COBL: variants seen among roughly 807,000 people sequenced by gnomAD.
COBL encodes the protein cordon-bleu WH2 repeat protein, also known as protein cordon-bleu.
COBL carries 51 observed loss-of-function variants against 98.8 expected under a neutral mutation model. The ratio of observed to expected loss-of-function variants is 0.52; its 90% CI spans 0.41 to 0.65. The LOEUF (loss-of-function observed/expected upper bound fraction) is 0.65. COBL is among the 30% of genes least tolerant of loss of function. The pLI is 0.00. For synonymous variants in COBL, 634 were observed against 651.7 expected (o/e 0.97, Z 0.41); for missense variants, 1,617 against 1,617.5 (o/e 1.00, Z 0.01).
At chr7:51,272,463 A>T (rs1015650800) in intron 1 of COBL, among the ~76,000 whole-genome samples, 2 of 152,218 alleles carry the variant, frequency 1.3e-5, no homozygotes, top group Non-Finnish European at 2.9e-5. Context: ...AAATAGTTAA[A>T]ATTAGAAGAA....
chr7:51,188,651 G>A (rs1490770179), intron 4 of COBL, among the ~76,000 whole-genome samples: 1 of 152,184 alleles, frequency 6.6e-6, no homozygotes, highest in African/African-American at 2.4e-5. Context: ...GGAGGTTTGG[G>A]AGCAGCTAGT....
chr7:51,198,581 A>T (rs1350105560), intron 2 of COBL, among the ~76,000 whole-genome samples: 2 of 151,976 alleles, frequency 1.3e-5, no homozygotes, highest in Non-Finnish European at 2.9e-5. Flanking sequence ...TTAAAGCTAA[A>T]CTCTCTTTTC....
intron 1 of COBL, among the ~76,000 whole-genome samples, chr7:51,224,395 C>A (rs532589626): frequency 1.3e-5 from 2 of 151,778 alleles, no homozygotes; most frequent in African/African-American, 4.8e-5. Context: ...ATGTTCCAAA[C>A]GAGCCAAGCT....
At position 51,028,606 on chromosome 7, in the gene COBL, C is replaced by A. The variant is rs750811837; in HGVS notation, c.2490G>T (p.Gly830=). ...SAHHEGRNPL[G]EGRNQPPTMG... is the part of the protein sequence containing the mutation. Reference sequence around the variant, plus strand: ...TGGTGGGGGGCTGGTTTCTCCCCTCCCCTAGGGGGTTCCGGCCCTCATGGT... The same window carrying A: ...TGGTGGGGGGCTGGTTTCTCCCCTCACCTAGGGGGTTCCGGCCCTCATGGT... Residue 830 remains glycine, a synonymous_variant, in exon 10 of 13, where the codon GGG becomes GGT. Transcript: ENST00000265136. The A allele has an allele frequency of 1.2e-6, 2 of 1,613,950 alleles. No individual in the cohort carries two copies. The highest frequency in any genetic ancestry group is 8.5e-7 in the Non-Finnish European group (1 of 1,179,898).
chr7:51,173,301 C>T (rs894764306), intron 5 of COBL, among the ~76,000 whole-genome samples: 2 of 152,126 alleles, frequency 1.3e-5, no homozygotes, highest in Non-Finnish European at 2.9e-5. Flanking sequence ...CTGCCTCAGC[C>T]TCCCGAGTAG....
At chr7:51,120,434 C>T (rs1276026523) in intron 6 of COBL, among the ~76,000 whole-genome samples, 2 of 152,010 alleles carry the variant, frequency 1.3e-5, no homozygotes, top group Non-Finnish European at 2.9e-5. Context: ...AAGGTTATAC[C>T]TTTTAAAGGA....
Position 51,259,668 on chromosome 7 carries a change from T to A in COBL, c.42-39724A>T. ...GTGCTCCTCATCACTGTGTTGTCTG[T>A]CTGAGGGATGGTCTTATTCTTGACC... On this transcript the variant is annotated intron_variant, in intron 1 of 12. Coordinates refer to ENST00000265136, the MANE Select transcript of COBL (RefSeq NM_015198.5). The A allele has an allele frequency of 4.1e-6, 3 of 736,356 alleles. No individual in the cohort carries two copies. In the South Asian group the frequency reaches 4.1e-5, roughly 10 times the overall value. The allele number at this position is 736,356 out of a possible 1,614,324, so 45.6% of individuals were successfully genotyped here.
At chr7:51,272,661 C>T (rs1253554826) in intron 1 of COBL, among the ~76,000 whole-genome samples, 1 of 152,084 alleles carries the variant, frequency 6.6e-6, no homozygotes, top group Non-Finnish European at 1.5e-5. Context: ...GCGCTTGGAC[C>T]TCTAAAACAC....
intron 6 of COBL, among the ~76,000 whole-genome samples, chr7:51,132,599 T>C (rs1408185905): frequency 1.3e-5 from 2 of 152,122 alleles, no homozygotes; most frequent in East Asian, 1.9e-4. Context: ...TCGGGATGGG[T>C]TACTAAAGAC....
At position 51,219,799 on chromosome 7, in the gene COBL, T is replaced by A. The variant is rs770355015; in HGVS notation, c.187A>T (p.Met63Leu). The change falls in exon 2 of 13, where the codon ATG becomes TTG. Residue 63 changes from methionine (M) to leucine (L), a missense_variant. Around this residue, in one of 3 missense-constraint regions of COBL, gnomAD observed 238 missense variants for 215.0 expected, o/e 1.11. Transcript: ENST00000265136. ...CTAGGCAGGACCACGGTGACGTCCA[T>A]GGTGCTGGCCCTCAGCGCCTCCTTC... Reference protein sequence around the residue: ...RMKEALRASTMDVTVVLPSGL... With the variant: ...RMKEALRASTLDVTVVLPSGL... 4.3e-6 allele frequency: 7 copies of A among 1,614,134 alleles called. No homozygotes were observed. In the East Asian group the frequency reaches 1.3e-4, roughly 31 times the overall value.
intron 1 of COBL, among the ~76,000 whole-genome samples, chr7:51,262,962 C>G (rs1584343114): frequency 6.6e-6 from 1 of 152,278 alleles, no homozygotes; most frequent in South Asian, 2.1e-4. Flanking sequence ...AGTCAGTGTC[C>G]AGCAGGTAAG....
At chr7:51,208,652 G>A (rs956578523) in intron 2 of COBL, among the ~76,000 whole-genome samples, 14 of 152,218 alleles carry the variant, frequency 9.2e-5, no homozygotes, top group East Asian at 3.9e-4. Flanking sequence ...CTGAGAAATC[G>A]GATGGTTGCC....
At chr7:51,243,567 G>A (rs1272927385) in intron 1 of COBL, among the ~76,000 whole-genome samples, 2 of 151,822 alleles carry the variant, frequency 1.3e-5, no homozygotes, top group Non-Finnish European at 2.9e-5. Flanking sequence ...CCACGGGCTA[G>A]CCCTCAGCAG....
chr7:51,073,350 G>T (rs1012058638), intron 7 of COBL: 3 of 697,772 alleles, frequency 4.3e-6, no homozygotes, highest in Middle Eastern at 2.3e-4. Context: ...CATCAGAAGC[G>T]CTTGGCCTGA....
At chr7:51,163,808 T>C (rs1787044138) in intron 5 of COBL, among the ~76,000 whole-genome samples, 1 of 152,204 alleles carries the variant, frequency 6.6e-6, no homozygotes, top group Non-Finnish European at 1.5e-5. Flanking sequence ...ATAAACAGCC[T>C]TACACATGAA....
intron 7 of COBL, among the ~76,000 whole-genome samples, chr7:51,052,905 T>C (rs1427641104): frequency 6.6e-6 from 1 of 152,242 alleles, no homozygotes; most frequent in Non-Finnish European, 1.5e-5. Context: ...ACTCTGGATG[T>C]AAATTTGATA....
chr7:51,058,685 G>A (rs1036176938), intron 7 of COBL, among the ~76,000 whole-genome samples: 2 of 152,228 alleles, frequency 1.3e-5, no homozygotes, highest in Admixed American at 1.3e-4. Flanking sequence ...TGTAAAACGG[G>A]GATAAGAATA....
At chr7:51,082,959 C>G in intron 7 of COBL, 1 of 1,149,262 alleles carries the variant, frequency 8.7e-7, no homozygotes, top group Non-Finnish European at 1.3e-6. Context: ...CACACACATC[C>G]AAAGACAAGA....
At chr7:51,045,252 A>T (rs539232822) in intron 7 of COBL, among the ~76,000 whole-genome samples, 1 of 152,362 alleles carries the variant, frequency 6.6e-6, no homozygotes, top group South Asian at 2.1e-4. Flanking sequence ...CAGGTCACAG[A>T]GACCTGGATT....
Sources: allele counts gnomAD v4.1 joint callset (sites outside exome capture counted in the v4.1 genomes callset), GRCh38; gene constraint gnomAD v4.1.1; regional missense constraint gnomAD v4.1.1; transcripts MANE v1.5; gene names NCBI Gene and HGNC (gene_info 2026-07-23, HGNC 2026-07-21).